The following ZNF829 variants were observed in gnomAD, a reference collection of about 807,000 sequenced individuals.
ZNF829 encodes zinc finger protein 829.
Under a neutral mutation model 35.2 loss-of-function variants are expected in ZNF829, and 25 were observed. The ratio of observed to expected loss-of-function variants is 0.71; its 90% confidence interval spans 0.52 to 0.99. The LOEUF is 0.99. ZNF829 is among the 50% of genes least tolerant of loss of function. The probability of loss-of-function intolerance (pLI) is 0.00; values close to 1 mark genes in which losing one functional copy is unlikely to be tolerated. For synonymous variants in ZNF829, 136 were observed against 163.2 expected (o/e 0.83, Z 1.27); for missense variants, 417 against 515.3 (o/e 0.81, Z 1.85).
rs74858500 is a variant in ZNF829, at chr19:36,890,182, T to C, written c.*1310A>G. ...TATTGATACTTGCTTTGTGGTCCAG[T>C]ATATGACCTATTTTTGAGAATGTTC... On this transcript the variant is annotated 3_prime_UTR_variant, in exon 6 of 6. Coordinates refer to ENST00000391711, the MANE Select transcript of ZNF829 (RefSeq NM_001037232.4). 2.0e-3 allele frequency: 309 copies of C among 152,326 alleles called. 3 individuals are homozygous for C. Among genetic ancestry groups the C allele is most frequent in the African/African-American group, 7.2e-3 (301 of 41,574 alleles). The allele number at this position is 152,326 out of a possible 1,614,324, so 9.4% of individuals were successfully genotyped here. A position where few individuals can be genotyped will look rare whatever the true frequency, so the allele number is the denominator to read the frequency against.
intron 5 of ZNF829, among the ~76,000 whole-genome samples, chr19:36,899,875 C>G (rs528084629): frequency 4.0e-5 from 6 of 150,894 alleles, no homozygotes; most frequent in Non-Finnish European, 7.4e-5. Context: ...AGAATTTATA[C>G]AATAATTTTT....
intron 3 of ZNF829, among the ~76,000 whole-genome samples, chr19:36,908,679 C>T (rs771759502): frequency 1.2e-4 from 19 of 152,166 alleles, no homozygotes; most frequent in Admixed American, 3.3e-4. Context: ...TCCCCCTCCC[C>T]GCTTTCCCTT....
At chr19:36,902,602 A>AC (rs1365815865) in intron 5 of ZNF829, among the ~76,000 whole-genome samples, 1 of 151,156 alleles carries the variant, frequency 6.6e-6, no homozygotes, top group African/African-American at 2.4e-5. Flanking sequence ...GCCAAGATGC[A>AC]CCACTGCACT....
intron 5 of ZNF829, chr19:36,901,960 G>GGCCAAAGGAATAA: frequency 1.3e-6 from 1 of 754,994 alleles, no homozygotes; most frequent in East Asian, 2.5e-5. Context: ...AAGCTGTCTG[G>GGCCAAAGGAATAA]GCCAAAGGAA....
chr19:36,914,900 C>T, intron 3 of ZNF829, 65 bp downstream of exon 3: 2 of 1,513,786 alleles, frequency 1.3e-6, no homozygotes, highest in South Asian at 2.3e-5. Context: ...TTATAGGGAC[C>T]TATAATTAAA....
At chr19:36,911,454 C>T (rs1190203106) in intron 3 of ZNF829, among the ~76,000 whole-genome samples, 1 of 152,082 alleles carries the variant, frequency 6.6e-6, no homozygotes, top group African/African-American at 2.4e-5. Context: ...TCAAGTGATC[C>T]TCCCATCTCG....
At chr19:36,909,897 A>G (rs2073249718) in intron 3 of ZNF829, among the ~76,000 whole-genome samples, 1 of 152,070 alleles carries the variant, frequency 6.6e-6, no homozygotes, top group South Asian at 2.1e-4. Context: ...GGGAAATCTC[A>G]ATCCATAGTT....
At chr19:36,893,687 C>T (rs1298550191) in intron 5 of ZNF829, among the ~76,000 whole-genome samples, 1 of 152,136 alleles carries the variant, frequency 6.6e-6, no homozygotes, top group African/African-American at 2.4e-5. Flanking sequence ...ATAAAGCCAG[C>T]TAGACTATCT....
chr19:36,900,263 T>A (rs954770276), intron 5 of ZNF829, among the ~76,000 whole-genome samples: 9 of 149,246 alleles, frequency 6.0e-5, no homozygotes, highest in African/African-American at 2.2e-4. Context: ...GGCATGAGAA[T>A]CACTTGAACC....
intron 5 of ZNF829, among the ~76,000 whole-genome samples, chr19:36,901,082 A>T (rs1031515328): frequency 1.3e-5 from 2 of 152,238 alleles, no homozygotes; most frequent in Non-Finnish European, 2.9e-5. Flanking sequence ...ACATGTTCAT[A>T]CAACATTAAT....
At chr19:36,910,008 T>TA (rs1318846448) in intron 3 of ZNF829, among the ~76,000 whole-genome samples, 3 of 151,542 alleles carry the variant, frequency 2.0e-5, no homozygotes, top group Non-Finnish European at 2.9e-5. Flanking sequence ...GCAAAAAGAG[T>TA]AGCCACCTAA....
At chr19:36,908,936 T>G (rs1398497318) in intron 3 of ZNF829, among the ~76,000 whole-genome samples, 1 of 152,172 alleles carries the variant, frequency 6.6e-6, no homozygotes, top group African/African-American at 2.4e-5. Context: ...GACCTAGAAT[T>G]CTATAGCCAG....
chr19:36,891,396 G>T lies in ZNF829; in HGVS notation c.*96C>A. On this transcript the variant is annotated 3_prime_UTR_variant, in exon 6 of 6. Coordinates refer to ENST00000391711, the MANE Select transcript of ZNF829 (RefSeq NM_001037232.4). ...GTATCGTTTAAAAACGAATACATAG[G>T]AGAACCTTTGATAATATGTATCCTA... is the stretch of plus-strand genomic sequence containing the variant. 7.8e-7 allele frequency: 1 copy of T among 1,277,222 alleles called. No homozygotes were observed. The highest frequency in any genetic ancestry group is 1.1e-6 in the Non-Finnish European group (1 of 952,220). 79.1% of individuals were successfully genotyped at this position (1,277,222 alleles called of 1,614,324 possible).
At chr19:36,905,330 T>C (rs2073206284) in intron 5 of ZNF829, 1 of 152,184 alleles carries the variant, frequency 6.6e-6, no homozygotes, top group Non-Finnish European at 1.5e-5. Context: ...TAAGACTTGC[T>C]ATTTAAAAAT....
intron 5 of ZNF829, chr19:36,901,980 T>TCCCATAACGAATCC: frequency 1.4e-6 from 1 of 737,186 alleles, no homozygotes; most frequent in Non-Finnish European, 2.5e-6. Flanking sequence ...ATAAGGAATG[T>TCCCATAACGAATCC]CCCATAACGA....
At chr19:36,905,893 A>T (rs2073211540) in intron 5 of ZNF829, 2 of 152,154 alleles carry the variant, frequency 1.3e-5, no homozygotes, top group South Asian at 2.1e-4. Flanking sequence ...TCAGAGATAG[A>T]CTCACAGAAA....
intron 5 of ZNF829, chr19:36,892,959 G>A (rs1443543276): frequency 7.4e-6 from 4 of 538,368 alleles, no homozygotes; most frequent in East Asian, 3.4e-5. Context: ...GCAGGATGCC[G>A]CTTCTGCTCC....
Position 36,888,841 on chromosome 19 carries a change from C to T in ZNF829, c.*2651G>A, listed in dbSNP as rs540639617. On this transcript the variant is annotated 3_prime_UTR_variant, in exon 6 of 6. Transcript: ENST00000391711. ...AGGCTGGAGTGCAATGGCACTATCT[C>T]AGCTCACTGCAACCTCCGCTTCTCA... The T allele has an allele frequency of 6.6e-6, 1 of 152,424 alleles. No individual in the cohort carries two copies. The highest frequency in any genetic ancestry group is 2.1e-4 in the South Asian group (1 of 4,818). The allele number at this position is 152,424 out of a possible 1,614,324, so 9.4% of individuals were successfully genotyped here.
chr19:36,893,981 C>A (rs2073087677), intron 5 of ZNF829, among the ~76,000 whole-genome samples: 1 of 152,194 alleles, frequency 6.6e-6, no homozygotes, highest in African/African-American at 2.4e-5. Context: ...GTGTTATACT[C>A]CACTTCCACT....
Sources: allele counts gnomAD v4.1 joint callset (sites outside exome capture counted in the v4.1 genomes callset), GRCh38; gene constraint gnomAD v4.1.1; transcripts MANE v1.5; gene names NCBI Gene and HGNC (gene_info 2026-07-23, HGNC 2026-07-21).